Variants in ADAMTSL1 observed in about 807,000 individuals in gnomAD.
The protein encoded by ADAMTSL1 is ADAMTS like 1.
ADAMTSL1 carries 126 observed loss-of-function variants against 201.8 expected under a neutral mutation model. That is an observed-to-expected ratio of 0.62 (90% confidence interval 0.54 to 0.72). ADAMTSL1 has a LOEUF of 0.72. ADAMTSL1 is among the 30% of genes least tolerant of loss of function. ADAMTSL1 has a pLI of 0.00. For synonymous variants in ADAMTSL1, 1,121 were observed against 903.4 expected (o/e 1.24, Z -4.32); for missense variants, 2,679 against 2,277.8 (o/e 1.18, Z -3.59).
intron 2 of ADAMTSL1, among the ~76,000 whole-genome samples, chr9:18,175,089 G>T (rs992231942): frequency 6.6e-6 from 1 of 152,190 alleles, no homozygotes; most frequent in Non-Finnish European, 1.5e-5. Context: ...ATATCAAGGT[G>T]CATTTATAGA....
intron 2 of ADAMTSL1, among the ~76,000 whole-genome samples, chr9:18,369,187 G>A (rs1156476240): frequency 6.6e-6 from 1 of 152,148 alleles, no homozygotes; most frequent in Non-Finnish European, 1.5e-5. Context: ...ACTAGATATA[G>A]CATAGGCTCT....
chr9:18,832,523 G>A (rs1369950749), intron 23 of ADAMTSL1, among the ~76,000 whole-genome samples: 1 of 152,208 alleles, frequency 6.6e-6, no homozygotes, highest in Non-Finnish European at 1.5e-5. Flanking sequence ...CTGGTATTCT[G>A]TAGGAATAAT....
intron 9 of ADAMTSL1, among the ~76,000 whole-genome samples, chr9:18,669,978 T>C (rs756692823): frequency 1.3e-5 from 2 of 152,192 alleles, no homozygotes; most frequent in African/African-American, 4.8e-5. Flanking sequence ...CATGCTTTGC[T>C]ACTCACGAAA....
intron 1 of ADAMTSL1, among the ~76,000 whole-genome samples, chr9:18,494,114 T>C (rs989569817): frequency 6.6e-6 from 1 of 152,188 alleles, no homozygotes; most frequent in East Asian, 1.9e-4. Context: ...CCCAGCACTT[T>C]GGGAGGCAGA....
chr9:17,946,162 AT>A (rs113786695), intron 1 of ADAMTSL1, among the ~76,000 whole-genome samples: 61 of 140,398 alleles, frequency 4.3e-4, no homozygotes, highest in African/African-American at 6.5e-4. Context: ...ATGCCCAGCT[AT>A]TTTTTTTTTT....
intron 9 of ADAMTSL1, among the ~76,000 whole-genome samples, chr9:18,674,188 AC>A: frequency 7.3e-6 from 1 of 136,416 alleles, no homozygotes; most frequent in East Asian, 2.1e-4. Flanking sequence ...GAAGGTTAAT[AC>A]ACACACAGGC....
intron 1 of ADAMTSL1, among the ~76,000 whole-genome samples, chr9:18,132,511 G>T (rs1175133280): frequency 6.6e-6 from 1 of 152,024 alleles, no homozygotes; most frequent in African/African-American, 2.4e-5. Context: ...AGGGTGATCT[G>T]CCACGGGTTA....
intron 4 of ADAMTSL1, among the ~76,000 whole-genome samples, chr9:18,597,585 T>C (rs1457136516): frequency 1.3e-5 from 2 of 152,244 alleles, no homozygotes. Flanking sequence ...GGAAGCCTTT[T>C]TGAGACTGGG....
At chr9:18,110,853 G>C (rs535276943) in intron 1 of ADAMTSL1, among the ~76,000 whole-genome samples, 1 of 152,270 alleles carries the variant, frequency 6.6e-6, no homozygotes, top group African/African-American at 2.4e-5. Context: ...TGAAGAATAA[G>C]AGTCAACTGA....
Position 18,721,684 on chromosome 9 carries a change from G to T in ADAMTSL1, c.2006+19G>T, listed in dbSNP as rs1467706469. 1 of 1,612,928 alleles carries T rather than the reference G, an allele frequency of 6.2e-7. No individual in the cohort carries two copies. Among genetic ancestry groups the T allele is most frequent in the East Asian group, 2.2e-5 (1 of 44,872 alleles). ...CAGCAAGGTAAGGGATGTGTGGCCT[G>T]CCCTGCTGTCCAGGGGCACGTACAG... On this transcript the variant is annotated intron_variant, in intron 15 of 28. Transcript: ENST00000380548.
At chr9:18,415,810 T>C (rs979192676) in intron 2 of ADAMTSL1, among the ~76,000 whole-genome samples, 5 of 151,714 alleles carry the variant, frequency 3.3e-5, no homozygotes, top group African/African-American at 7.3e-5. Flanking sequence ...CAGAGGAAAA[T>C]GACATTTTAT....
intron 1 of ADAMTSL1, among the ~76,000 whole-genome samples, chr9:18,000,192 A>C (rs1819555454): frequency 6.6e-6 from 1 of 151,054 alleles, no homozygotes; most frequent in Admixed American, 6.6e-5. Context: ...TGACTTCCAC[A>C]ATGGTTGAAC....
chr9:17,993,368 A>G (rs1819241795), intron 1 of ADAMTSL1, among the ~76,000 whole-genome samples: 1 of 152,188 alleles, frequency 6.6e-6, no homozygotes, highest in Non-Finnish European at 1.5e-5. Context: ...TCTGAGAATA[A>G]ATGGATACCT....
intron 8 of ADAMTSL1, among the ~76,000 whole-genome samples, chr9:18,660,746 G>T (rs1192600959): frequency 6.6e-6 from 1 of 152,066 alleles, no homozygotes; most frequent in African/African-American, 2.4e-5. Context: ...TAGAAAAAGT[G>T]TTCTTATCCA....
intron 1 of ADAMTSL1, among the ~76,000 whole-genome samples, chr9:18,031,192 A>G (rs956421572): frequency 6.6e-6 from 1 of 152,176 alleles, no homozygotes; most frequent in Non-Finnish European, 1.5e-5. Context: ...AATTACCGCA[A>G]TCCTTTAGAG....
intron 21 of ADAMTSL1, among the ~76,000 whole-genome samples, chr9:18,825,588 A>G (rs1026987490): frequency 3.9e-5 from 6 of 152,148 alleles, no homozygotes; most frequent in Admixed American, 3.9e-4. Flanking sequence ...ACTTTTTATT[A>G]AAATATATCT....
chr9:18,017,029 T>C lies in ADAMTSL1; in HGVS notation c.87+110107T>C, dbSNP rs533426051. 2.9e-4 allele frequency among the ~76,000 whole-genome samples: 44 copies of C among 152,220 alleles called. 1 individual carries two copies. In the South Asian group the frequency reaches 8.7e-3, roughly 30 times the overall value. ...CCACATCACTGGATACTTTCCCTTC[T>C]CTTTTTCTAGCTGAGCACAGGCATG... On this transcript the variant is annotated intron_variant, in intron 1 of 29. Coordinates refer to the ADAMTSL1 transcript ENST00000680146.
chr9:18,448,253 G>T (rs1820273006), intron 2 of ADAMTSL1, among the ~76,000 whole-genome samples: 1 of 152,126 alleles, frequency 6.6e-6, no homozygotes, highest in African/African-American at 2.4e-5. Flanking sequence ...AGTTTGGCAT[G>T]GACAGTCAAG....
chr9:17,937,576 T>C (rs1827063551), intron 1 of ADAMTSL1, among the ~76,000 whole-genome samples: 1 of 152,054 alleles, frequency 6.6e-6, no homozygotes, highest in Admixed American at 6.6e-5. Flanking sequence ...ATATTAACCC[T>C]TTTTAGATGG....
Sources: gnomAD v4.1 joint callset for allele counts (sites outside exome capture counted in the v4.1 genomes callset) on GRCh38, gnomAD v4.1.1 for gene constraint, MANE v1.5 for transcripts, NCBI Gene and HGNC (gene_info 2026-07-23, HGNC 2026-07-21) for gene names.